SULF2: variants seen among roughly 807,000 people sequenced by gnomAD.
The protein encoded by SULF2 is sulfatase 2, also known as extracellular sulfatase Sulf-2.
In SULF2, 52 loss-of-function variants were observed where a neutral mutation model predicts 107.7. That is an observed-to-expected ratio of 0.48 (90% CI 0.39 to 0.61). The LOEUF is 0.61. SULF2 is among the 20% of genes least tolerant of loss of function. The pLI is 0.00. For missense variants in SULF2, 993 were observed against 1,177.3 expected, an observed-to-expected ratio of 0.84 and a Z score of 2.29; for synonymous variants, 460 against 464.3, an observed-to-expected ratio of 0.99 and a Z score of 0.12.
At chr20:47,785,604 C>T (rs1449960639), upstream of SULF2, 1 of 146,490 alleles carries the variant, frequency 6.8e-6, no homozygotes, top group East Asian at 2.0e-4. Context: ...CCGCACCCCG[C>T]CCGGACCGCT....
intron 13 of SULF2, 114 bp from the exon 14 acceptor site, chr20:47,665,407 CT>C: frequency 2.6e-6 from 2 of 766,290 alleles, no homozygotes; most frequent in Non-Finnish European, 2.3e-6. Flanking sequence ...GCAGCCTGCA[CT>C]CCCCGGGCCC....
intron 11 of SULF2, among the ~76,000 whole-genome samples, chr20:47,668,296 G>A (rs2087343760): frequency 6.6e-6 from 1 of 152,240 alleles, no homozygotes. Flanking sequence ...GTTTCACTGG[G>A]TACAGCTGCT....
At chr20:47,686,850 G>A (rs896931231) in intron 5 of SULF2, among the ~76,000 whole-genome samples, 1 of 152,152 alleles carries the variant, frequency 6.6e-6, no homozygotes, top group Non-Finnish European at 1.5e-5. Context: ...AATCCATCAG[G>A]GCCCATGCTT....
At position 47,757,484 on chromosome 20, in the gene SULF2, A is replaced by C. The variant is rs955373452; in HGVS notation, c.-100-21T>G. The C allele has an allele frequency of 8.3e-6, 10 of 1,198,052 alleles. No homozygotes were observed. The African/African-American group carries it at 1.1e-4, about 13-fold the overall frequency. The allele number at this position is 1,198,052 out of a possible 1,614,324, so 74.2% of individuals were successfully genotyped here. A position where few individuals can be genotyped will look rare whatever the true frequency, so the allele number is the denominator to read the frequency against. ...CAGATCTAGAGGAGGAGGAAGAATC[A>C]GGTCAATATTTATGTCAAGGCTGCC... On this transcript the variant is annotated intron_variant, in intron 1 of 20. Coordinates refer to ENST00000688720, the MANE Select transcript of SULF2 (RefSeq NM_001387048.1).
At chr20:47,658,440 T>TC in intron 20 of SULF2, 48 bp from the exon 21 acceptor site, 1 of 1,579,576 alleles carries the variant, frequency 6.3e-7, no homozygotes, top group Non-Finnish European at 8.7e-7. Flanking sequence ...TCATGGTCTT[T>TC]ATCATGACTT....
chr20:47,732,889 T>C (rs924414581), intron 3 of SULF2, among the ~76,000 whole-genome samples: 1 of 152,034 alleles, frequency 6.6e-6, no homozygotes, highest in African/African-American at 2.4e-5. Context: ...GAGGATGCAA[T>C]TGATCCTTCC....
At chr20:47,775,057 T>C (rs1040800980) in intron 1 of SULF2, among the ~76,000 whole-genome samples, 5 of 152,176 alleles carry the variant, frequency 3.3e-5, no homozygotes, top group African/African-American at 9.7e-5. Flanking sequence ...GCTCTGCTAC[T>C]TGCAGTCTGT....
chr20:47,737,813 A>AGT (rs1339634897), intron 2 of SULF2, among the ~76,000 whole-genome samples: 2 of 113,362 alleles, frequency 1.8e-5, no homozygotes, highest in Non-Finnish European at 3.3e-5. Flanking sequence ...CCCAGGCTGG[A>AGT]GTGCAGTGGT....
In SULF2 at chr20:47,678,805, C is replaced by T. The variant is rs111326012; in HGVS notation, c.1065-1G>A. On this transcript the variant is annotated splice_acceptor_variant, in intron 7 of 20. Coordinates refer to ENST00000688720, the MANE Select transcript of SULF2 (RefSeq NM_001387048.1). LOFTEE classifies it high-confidence loss of function. The surrounding 1 kb of genome is among the most constrained non-coding windows in gnomAD (Gnocchi z 4.5). ...AATGTTGAGGACGATGTGGGGATTC[C>T]TGGGGGAGGCAGGAGATCGGGGACT... 6.2e-7 allele frequency: 1 copy of T among 1,612,982 alleles called. No individual in the cohort carries two copies.
intron 3 of SULF2, among the ~76,000 whole-genome samples, chr20:47,709,524 T>A (rs2088856728): frequency 6.6e-6 from 1 of 152,184 alleles, no homozygotes; most frequent in Non-Finnish European, 1.5e-5. Flanking sequence ...ACTCCAGGAA[T>A]GTGTGCAAAT....
intron 2 of SULF2, among the ~76,000 whole-genome samples, chr20:47,753,580 G>A (rs758077423): frequency 8.5e-5 from 13 of 152,248 alleles, no homozygotes; most frequent in Non-Finnish European, 1.8e-4. Context: ...CTTTGCCGAA[G>A]GCAATGGGTA....
intron 11 of SULF2, among the ~76,000 whole-genome samples, chr20:47,670,161 T>A (rs1352961642): frequency 6.6e-6 from 1 of 152,152 alleles, no homozygotes; most frequent in Non-Finnish European, 1.5e-5. Context: ...CTAACTAGTC[T>A]GTGGTACAAT....
chr20:47,756,258 C>A (rs1174241192), intron 2 of SULF2, among the ~76,000 whole-genome samples: 1 of 152,084 alleles, frequency 6.6e-6, no homozygotes, highest in African/African-American at 2.4e-5. Flanking sequence ...TTATCAAATG[C>A]GCCTCATTCT....
In SULF2 at chr20:47,657,543, GACAT is replaced by G. The variant is rs1369015187; in HGVS notation, c.*815_*818del. 6.6e-6 allele frequency: 1 copy of G among 151,942 alleles called. No individual in the cohort carries two copies. 9.4% of individuals were successfully genotyped at this position (151,942 alleles called of 1,614,324 possible). On this transcript the variant is annotated 3_prime_UTR_variant, in exon 21 of 21. Coordinates refer to ENST00000688720, the MANE Select transcript of SULF2 (RefSeq NM_001387048.1). The stretch of plus-strand genomic sequence containing the variant: ...CAAATACAGTTTCATCAAAACTTGG[GACAT>G]ACATCAACTTCATTTCTTTTCAGTA...
At chr20:47,662,392 G>GCA in intron 17 of SULF2, among the ~76,000 whole-genome samples, 1 of 152,206 alleles carries the variant, frequency 6.6e-6, no homozygotes, top group Non-Finnish European at 1.5e-5. Flanking sequence ...GAGAAAGACT[G>GCA]CACACCTATA....
intron 3 of SULF2, among the ~76,000 whole-genome samples, chr20:47,732,411 C>G (rs1313528292): frequency 6.6e-6 from 1 of 152,212 alleles, no homozygotes; most frequent in African/African-American, 2.4e-5. Flanking sequence ...CTCAACCACT[C>G]TGCAGAGAGC....
rs138778485 is a variant in SULF2 at position 47,707,355 on chromosome 20, G to A, written c.416-4685C>T. Reference sequence around the variant, plus strand: ...GTGCCCCACTTCGCCCTTTAGAAATGCAATTATAACCTTTTATCTCCCCTA... The same window carrying A: ...GTGCCCCACTTCGCCCTTTAGAAATACAATTATAACCTTTTATCTCCCCTA... On this transcript the variant is annotated intron_variant, in intron 3 of 20. Coordinates refer to ENST00000688720, the MANE Select transcript of SULF2 (RefSeq NM_001387048.1). 4.2e-3 allele frequency among the ~76,000 whole-genome samples: 635 copies of A among 152,176 alleles called. 4 individuals carry two copies. The highest frequency in any genetic ancestry group is 0.015 in the African/African-American group (604 of 41,502).
Position 47,741,661 on chromosome 20 carries a change from A to G in SULF2, c.176-4719T>C, listed in dbSNP as rs149733955. Among the ~76,000 whole-genome samples, 1,459 of 152,298 alleles carry G rather than the reference A, an allele frequency of 9.6e-3. 12 individuals carry two copies. The highest frequency in any genetic ancestry group is 0.027 in the Middle Eastern group (8 of 294). ...AAATGCACGAGTCCAGGGCACCCCA[A>G]GTGGAATCGATCCTTTGCTCCCTAG... On this transcript the variant is annotated intron_variant, in intron 2 of 20. Transcript: ENST00000688720.
chr20:47,677,371 C>G (rs1174746958), intron 8 of SULF2, among the ~76,000 whole-genome samples: 1 of 151,474 alleles, frequency 6.6e-6, no homozygotes, highest in Non-Finnish European at 1.5e-5. Flanking sequence ...TGACCCAGGT[C>G]AAAATCACTG....
Sources: allele counts gnomAD v4.1 joint callset (sites outside exome capture counted in the v4.1 genomes callset), GRCh38; gene constraint gnomAD v4.1.1; non-coding constraint Gnocchi (gnomAD v3.1); transcripts MANE v1.5; gene names NCBI Gene and HGNC (gene_info 2026-07-23, HGNC 2026-07-21).